Variants in ADAMTS9 observed in about 807,000 individuals in gnomAD.
ADAMTS9 encodes the protein A disintegrin and metalloproteinase with thrombospondin motifs 9.
A neutral mutation model predicts 257.1 loss-of-function variants in ADAMTS9; 107 were observed. The ratio of observed to expected loss-of-function variants is 0.42; its 90% CI spans 0.36 to 0.49. ADAMTS9 has a LOEUF of 0.49. Ranked by LOEUF, ADAMTS9 falls within the 20% of genes least tolerant of loss-of-function variation. The pLI, the probability that ADAMTS9 is intolerant of heterozygous loss-of-function variation, is 0.03. For missense variants in ADAMTS9, 2,353 were observed against 2,469.1 expected (o/e 0.95, Z 1.00); for synonymous variants, 982 against 880.9 (o/e 1.11, Z -2.03).
At chr3:64,589,898 T>C (rs910299657) in intron 28 of ADAMTS9, 12 of 152,236 alleles carry the variant, frequency 7.9e-5, no homozygotes, top group Non-Finnish European at 1.3e-4. Context: ...AATTGACAAA[T>C]GCTGTAAGCC....
rs1701900276 is a variant in ADAMTS9, at chr3:64,686,146, C to T, written c.516+422G>A. The stretch of plus-strand genomic sequence containing the variant: ...GTGCCTTGGGCAGGGGATCCTCAGC[C>T]CCACATCCCCGATGCAAGGCGCACC... On this transcript the variant is annotated intron_variant, in intron 2 of 39. Transcript: ENST00000498707. The surrounding 1 kb of genome is among the most constrained non-coding windows in gnomAD (Gnocchi z 4.6). 1.3e-5 allele frequency among the ~76,000 whole-genome samples: 2 copies of T among 152,242 alleles called. No homozygotes were observed. Among genetic ancestry groups the T allele is most frequent in the Non-Finnish European group, 1.5e-5 (1 of 68,048 alleles).
At chr3:64,612,917 G>A (rs993269073) in intron 22 of ADAMTS9, among the ~76,000 whole-genome samples, 4 of 152,178 alleles carry the variant, frequency 2.6e-5, no homozygotes, top group Non-Finnish European at 4.4e-5. Flanking sequence ...TATGAGAGGT[G>A]AGCTTTGTAA....
At chr3:64,660,654 G>A (rs1701199985) in intron 3 of ADAMTS9, among the ~76,000 whole-genome samples, 1 of 152,060 alleles carries the variant, frequency 6.6e-6, no homozygotes, top group Non-Finnish European at 1.5e-5. Context: ...TGATCAGATC[G>A]ACTGTCAAGG....
chr3:64,633,941 A>G (rs558472286), intron 12 of ADAMTS9, 62 bp from the exon 13 acceptor site: 778 of 1,421,698 alleles, frequency 5.5e-4, no homozygotes, highest in Non-Finnish European at 7.0e-4. Context: ...TCTGAACATC[A>G]CTCCTTCATT....
At chr3:64,635,422 C>T (rs180947425) in intron 12 of ADAMTS9, among the ~76,000 whole-genome samples, 1 of 152,192 alleles carries the variant, frequency 6.6e-6, no homozygotes, top group African/African-American at 2.4e-5. Flanking sequence ...GATCAACATT[C>T]ACCATTATTT....
rs950126682 is a variant in ADAMTS9 at position 64,607,010 on chromosome 3, C to A, written c.3424G>T (p.Val1142Leu). ...GCATTACAGTCATTGTCATCTACCACTGACATATAAGTCCCAATGATGCAT... is the reference window on the plus strand; with the variant it reads ...GCATTACAGTCATTGTCATCTACCAATGACATATAAGTCCCAATGATGCAT... The part of the protein sequence containing the change: ...VKCIIGTYMS[V>L]VDDNDCNAAT... Residue 1142 changes from valine (V) to leucine (L), a missense_variant, in exon 23 of 40, where the codon GTG (valine) becomes TTG (leucine). Physicochemically the swap from Val to Leu is conservative, Grantham distance 32 (BLOSUM62 1). Transcript: ENST00000498707. 1.2e-6 allele frequency: 2 copies of A among 1,613,752 alleles called. No homozygotes were observed. The highest frequency in any genetic ancestry group is 2.7e-5 in the African/African-American group (2 of 74,930).
In ADAMTS9 at chr3:64,651,140, T is replaced by G; in HGVS notation, c.1340A>C (p.Asn447Thr). The G allele has an allele frequency of 6.3e-7, 1 of 1,588,530 alleles. No homozygotes were observed. The highest frequency in any genetic ancestry group is 8.5e-7 in the Non-Finnish European group (1 of 1,171,230). Reference sequence around the variant, plus strand: ...AACTCCTTCTTCTTTACATTTGTTGTTGTCATCATGAGGCATGTTAAACCT... The same window carrying G: ...AACTCCTTCTTCTTTACATTTGTTGGTGTCATCATGAGGCATGTTAAACCT... ...GHVFNMPHDDNNKCKEEGVKS... is the reference protein window; with the variant it reads ...GHVFNMPHDDTNKCKEEGVKS... The change falls in exon 9 of 40, where the codon AAC (asparagine) becomes ACC (threonine). Residue 447 changes from asparagine (N) to threonine (T), a missense_variant. By Grantham distance (65) the Asn-to-Thr change is moderately conservative. Transcript: ENST00000498707.
rs1446002292 is a variant in ADAMTS9 at position 64,654,454 on chromosome 3, C to A, written c.1215G>T (p.Leu405=). The A allele has an allele frequency of 2.5e-6, 4 of 1,613,736 alleles. No homozygotes were observed. The African/African-American group carries it at 5.3e-5, about 22-fold the overall frequency. ...GATCACAAATGGTTCCCAGTTCAGC[C>A]AGGCCTATTAGAAGGAAAAAAACCA... ...RAHDKCDTLG[L]AELGTICDPY... The change falls in exon 8 of 40, where the codon CTG becomes CTT. Residue 405 remains leucine, a synonymous_variant. Coordinates refer to ENST00000498707, the MANE Select transcript of ADAMTS9 (RefSeq NM_182920.2).
chr3:64,557,623 A>G (rs2083357366), intron 30 of ADAMTS9, among the ~76,000 whole-genome samples: 2 of 152,252 alleles, frequency 1.3e-5, no homozygotes, highest in South Asian at 4.1e-4. Flanking sequence ...TACTAAAAAG[A>G]AGTCTACTTT....
intron 3 of ADAMTS9, among the ~76,000 whole-genome samples, chr3:64,679,556 A>T (rs970387675): frequency 2.0e-5 from 3 of 152,220 alleles, no homozygotes; most frequent in African/African-American, 7.2e-5. Flanking sequence ...GTCATTTTTT[A>T]AAATGTTGAC....
chr3:64,660,589 A>G (rs1701198013), intron 3 of ADAMTS9, among the ~76,000 whole-genome samples: 1 of 152,288 alleles, frequency 6.6e-6, no homozygotes, highest in South Asian at 2.1e-4. Flanking sequence ...GCTGGAAATC[A>G]TCCTTTAAGG....
intron 38 of ADAMTS9, among the ~76,000 whole-genome samples, chr3:64,532,312 G>A (rs1266465598): frequency 1.3e-5 from 2 of 152,168 alleles, no homozygotes; most frequent in Non-Finnish European, 2.9e-5. Flanking sequence ...CTATAGCAGG[G>A]CAAAATCATC....
intron 2 of ADAMTS9, among the ~76,000 whole-genome samples, chr3:64,684,466 G>A (rs890262530): frequency 5.9e-5 from 9 of 152,132 alleles, no homozygotes; most frequent in Non-Finnish European, 1.2e-4. Flanking sequence ...ACTCCTAGGC[G>A]GAGAACTAGC....
At chr3:64,524,885 C>G (rs2082891204) in intron 38 of ADAMTS9, among the ~76,000 whole-genome samples, 2 of 152,184 alleles carry the variant, frequency 1.3e-5, no homozygotes, top group African/African-American at 4.8e-5. Flanking sequence ...CATTACAAGG[C>G]CTTTGCATGT....
intron 30 of ADAMTS9, among the ~76,000 whole-genome samples, chr3:64,557,292 T>A (rs146389115): frequency 4.6e-5 from 7 of 152,296 alleles, no homozygotes; most frequent in African/African-American, 1.4e-4. Flanking sequence ...ATGCTGCAGA[T>A]GCATGGCCCC....
intron 28 of ADAMTS9, chr3:64,586,625 G>A: frequency 6.6e-6 from 1 of 152,146 alleles, no homozygotes. Flanking sequence ...CAGTCAATTT[G>A]CAGTCAATGT....
Position 64,658,719 on chromosome 3 carries a change from G to T in ADAMTS9, c.752C>A (p.Ala251Asp). The T allele has an allele frequency of 6.2e-7, 1 of 1,614,128 alleles. No homozygotes were observed. The highest frequency in any genetic ancestry group is 8.5e-7 in the Non-Finnish European group (1 of 1,180,020). Residue 251 changes from alanine to aspartate, a missense_variant, in exon 4 of 40, where the codon GCT becomes GAT. This residue lies in a region of ADAMTS9 where 591 missense variants were observed against 569.6 expected (regional missense o/e 1.04). Transcript: ENST00000498707. ...ARKWGERINLAGDVAALNSGL... is the reference protein window; with the variant it reads ...ARKWGERINLDGDVAALNSGL... ...GCTGTTTAATGCTGCTACGTCACCA[G>T]CCAGGTTAATCCTTTCTCCCCATTT... is the stretch of plus-strand genomic sequence containing the variant.
At chr3:64,568,650 C>A in intron 28 of ADAMTS9, 115 bp from the exon 29 acceptor site, 1 of 1,236,648 alleles carries the variant, frequency 8.1e-7, no homozygotes, top group Non-Finnish European at 1.1e-6. Flanking sequence ...CCATTCCCCT[C>A]TTTTACAGCG....
Position 64,687,164 on chromosome 3 carries a change from A to C in ADAMTS9, c.116-196T>G, listed in dbSNP as rs1234882703. On this transcript the variant is annotated intron_variant, in intron 1 of 39. Transcript: ENST00000498707. The surrounding 1 kb of genome is among the most constrained non-coding windows in gnomAD (Gnocchi z 4.4). ...ACAGGACCTGTGCTAGGTGCTGAGG[A>C]TACACTATTCCGAGCCAGACAATTA... Among the ~76,000 whole-genome samples, 2 of 152,220 alleles carry C rather than the reference A, an allele frequency of 1.3e-5. No individual in the cohort carries two copies.
Sources: gnomAD v4.1 joint callset for allele counts (sites outside exome capture counted in the v4.1 genomes callset) on GRCh38, gnomAD v4.1.1 for gene constraint, gnomAD v4.1.1 regional missense constraint, Gnocchi (gnomAD v3.1) non-coding constraint, MANE v1.5 for transcripts, NCBI Gene and HGNC (gene_info 2026-07-23, HGNC 2026-07-21) for gene names.